The following ZNF804A variants were observed in gnomAD, a reference collection of about 807,000 sequenced individuals.
The protein encoded by ZNF804A is zinc finger protein 804A.
ZNF804A carries 2 observed loss-of-function variants against 16.5 expected under a neutral mutation model. The ratio of observed to expected loss-of-function variants is 0.12; its 90% CI spans 0.05 to 0.38. The LOEUF (loss-of-function observed/expected upper bound fraction) is 0.38. Among genes scored for constraint, ZNF804A ranks in the 10% least tolerant of loss-of-function variants. The probability of loss-of-function intolerance (pLI) is 0.99; values close to 1 mark genes in which losing one functional copy is unlikely to be tolerated. For missense variants in ZNF804A, 1,473 were observed against 1,390.7 expected, an observed-to-expected ratio of 1.06 and a Z score of -0.94; for synonymous variants, 534 against 489.6, an observed-to-expected ratio of 1.09 and a Z score of -1.20.
intron 1 of ZNF804A, among the ~76,000 whole-genome samples, chr2:184,768,816 A>G (rs1329933302): frequency 6.6e-6 from 1 of 152,102 alleles, no homozygotes; most frequent in Non-Finnish European, 1.5e-5. Flanking sequence ...TAGTAACTTT[A>G]CTGACATTTT....
intron 1 of ZNF804A, among the ~76,000 whole-genome samples, chr2:184,628,055 C>T (rs1038466311): frequency 6.6e-6 from 1 of 152,182 alleles, no homozygotes; most frequent in African/African-American, 2.4e-5. Flanking sequence ...TGGCTCACCA[C>T]TGTAATCCCA....
At chr2:184,771,996 G>T (rs1336352706) in intron 1 of ZNF804A, among the ~76,000 whole-genome samples, 2 of 152,002 alleles carry the variant, frequency 1.3e-5, no homozygotes, top group Admixed American at 1.3e-4. Context: ...ATAGGGAATG[G>T]TGTTCACACC....
intron 2 of ZNF804A, among the ~76,000 whole-genome samples, chr2:184,918,949 A>G (rs1449648367): frequency 1.3e-5 from 2 of 152,152 alleles, no homozygotes; most frequent in Non-Finnish European, 2.9e-5. Context: ...TTTTTGAAGA[A>G]TTTCCTATGT....
intron 1 of ZNF804A, among the ~76,000 whole-genome samples, chr2:184,860,409 A>G (rs1443973787): frequency 1.3e-5 from 2 of 152,248 alleles, no homozygotes; most frequent in African/African-American, 4.8e-5. Flanking sequence ...TAGGACCACA[A>G]GAACTGGCTT....
intron 1 of ZNF804A, among the ~76,000 whole-genome samples, 178 bp from the exon 2 acceptor site, chr2:184,866,191 G>A (rs1413513521): frequency 1.3e-5 from 2 of 152,044 alleles, no homozygotes; most frequent in South Asian, 2.1e-4. Flanking sequence ...TCTTCTGTTA[G>A]TCTTTTAATT....
rs1309619579 is a variant in ZNF804A at position 184,781,549 on chromosome 2, C to A, written c.112-84820C>A. ...CTTTATGAAAAAACTTTGAAATATT[C>A]TTTTTTGGGAAATTTTCATTTTCTG... On this transcript the variant is annotated intron_variant, in intron 1 of 3. Coordinates refer to ENST00000302277, the MANE Select transcript of ZNF804A (RefSeq NM_194250.2). Among the ~76,000 whole-genome samples, 5 of 151,714 alleles carry A rather than the reference C, an allele frequency of 3.3e-5. No homozygotes were observed. The East Asian group carries it at 7.8e-4, about 24-fold the overall frequency.
chr2:184,934,573 C>A (rs1474487275), intron 3 of ZNF804A, among the ~76,000 whole-genome samples: 4 of 152,074 alleles, frequency 2.6e-5, no homozygotes, highest in Admixed American at 2.0e-4. Flanking sequence ...GATGTTACTG[C>A]TGTTCAGTTA....
chr2:184,661,504 AC>A (rs774392021), intron 1 of ZNF804A, among the ~76,000 whole-genome samples: 1 of 152,188 alleles, frequency 6.6e-6, no homozygotes, highest in African/African-American at 2.4e-5. Context: ...GTGAGAGAGG[AC>A]CCTAAAAGTG....
chr2:184,859,730 TTGTC>T (rs1165236467), intron 1 of ZNF804A, among the ~76,000 whole-genome samples: 1 of 152,228 alleles, frequency 6.6e-6, no homozygotes, highest in Non-Finnish European at 1.5e-5. Flanking sequence ...TCCAGGTTCT[TTGTC>T]TGGGAAACCC....
chr2:184,771,424 G>A (rs1163472477), intron 1 of ZNF804A, among the ~76,000 whole-genome samples: 2 of 151,816 alleles, frequency 1.3e-5, no homozygotes, highest in Non-Finnish European at 2.9e-5. Flanking sequence ...GCCTCATCAG[G>A]CTGCAGTTAA....
intron 2 of ZNF804A, among the ~76,000 whole-genome samples, chr2:184,897,076 A>G (rs1685080589): frequency 1.3e-5 from 2 of 152,104 alleles, no homozygotes; most frequent in African/African-American, 4.8e-5. Context: ...ATTGTTAAGG[A>G]TATTTGTAGT....
At chr2:184,799,132 C>G (rs1320834991) in intron 1 of ZNF804A, among the ~76,000 whole-genome samples, 1 of 152,062 alleles carries the variant, frequency 6.6e-6, no homozygotes, top group Non-Finnish European at 1.5e-5. Flanking sequence ...CTCCCAGGTC[C>G]TGGAGGAGCA....
chr2:184,702,515 A>G (rs1387753517), intron 1 of ZNF804A, among the ~76,000 whole-genome samples: 2 of 152,018 alleles, frequency 1.3e-5, no homozygotes, highest in Admixed American at 1.3e-4. Context: ...TTTCTTCTCT[A>G]TTCCTAACTC....
chr2:184,725,329 G>T (rs1693390640), intron 1 of ZNF804A, among the ~76,000 whole-genome samples: 1 of 151,598 alleles, frequency 6.6e-6, no homozygotes, highest in South Asian at 2.1e-4. Context: ...ATGTTAGCCA[G>T]CATCAGTATG....
At chr2:184,729,801 T>G (rs536476267) in intron 1 of ZNF804A, among the ~76,000 whole-genome samples, 1 of 152,236 alleles carries the variant, frequency 6.6e-6, no homozygotes, top group Admixed American at 6.5e-5. Context: ...CACTATAGTC[T>G]CTGGCCAAGC....
intron 3 of ZNF804A, 56 bp from the exon 4 acceptor site, chr2:184,935,727 T>C: frequency 6.8e-7 from 1 of 1,477,854 alleles, no homozygotes; most frequent in Non-Finnish European, 9.0e-7. Context: ...AATATTTGAC[T>C]ATTTTTTTTT....
chr2:184,903,946 T>C (rs560365247), intron 2 of ZNF804A, among the ~76,000 whole-genome samples: 6 of 152,164 alleles, frequency 3.9e-5, no homozygotes, highest in African/African-American at 1.4e-4. Flanking sequence ...TGTTTGCAGA[T>C]GATGATCTTA....
intron 1 of ZNF804A, among the ~76,000 whole-genome samples, chr2:184,645,009 T>A (rs1481304299): frequency 6.6e-6 from 1 of 152,046 alleles, no homozygotes; most frequent in African/African-American, 2.4e-5. Context: ...AATTATCACC[T>A]GCTTGTAGTG....
At chr2:184,904,731 C>G (rs1282093365) in intron 2 of ZNF804A, among the ~76,000 whole-genome samples, 1 of 151,924 alleles carries the variant, frequency 6.6e-6, no homozygotes, top group East Asian at 1.9e-4. Flanking sequence ...GTTATATAAT[C>G]AAGAGAGAGG....
Sources: gnomAD v4.1 joint callset for allele counts (sites outside exome capture counted in the v4.1 genomes callset) on GRCh38, gnomAD v4.1.1 for gene constraint, MANE v1.5 for transcripts, NCBI Gene and HGNC (gene_info 2026-07-23, HGNC 2026-07-21) for gene names.